The following NAV2 variants were observed in gnomAD, a reference collection of about 807,000 sequenced individuals.
The protein encoded by NAV2 is neuron navigator 2.
NAV2 carries 54 observed loss-of-function variants against 223.2 expected under a neutral mutation model. The observed-to-expected ratio is 0.24, with a 90% CI of 0.19 to 0.30. The LOEUF (loss-of-function observed/expected upper bound fraction) is 0.30, where lower values mean the gene tolerates loss of function less well. NAV2 is among the 10% of genes least tolerant of loss of function. The pLI, the probability that NAV2 is intolerant of heterozygous loss-of-function variation, is 1.00. For missense variants in NAV2, 2,806 were observed against 3,147.5 expected (o/e 0.89, Z 2.60); for synonymous variants, 1,279 against 1,239.3 (o/e 1.03, Z -0.67).
At chr11:19,451,053 C>G (rs1341947657) in intron 1 of NAV2, among the ~76,000 whole-genome samples, 3 of 152,146 alleles carry the variant, frequency 2.0e-5, no homozygotes, top group African/African-American at 7.2e-5. Context: ...AGGGACTTCT[C>G]TGATTACCTT....
At chr11:19,596,677 G>T (rs188357626) in intron 1 of NAV2, among the ~76,000 whole-genome samples, 2 of 152,364 alleles carry the variant, frequency 1.3e-5, no homozygotes, top group East Asian at 3.9e-4. Context: ...CAGGCAGACA[G>T]ACACTGTTTG....
intron 4 of NAV2, among the ~76,000 whole-genome samples, chr11:19,874,625 T>C (rs1353564360): frequency 6.6e-6 from 1 of 152,152 alleles, no homozygotes; most frequent in Admixed American, 6.5e-5. Context: ...ATGGAAAGAA[T>C]ATAATTCTAG....
chr11:19,402,720 T>C (rs757609172), intron 1 of NAV2, among the ~76,000 whole-genome samples: 4 of 152,218 alleles, frequency 2.6e-5, no homozygotes, highest in Non-Finnish European at 5.9e-5. Flanking sequence ...GATCTGTCCA[T>C]GTATACTCTT....
intron 1 of NAV2, among the ~76,000 whole-genome samples, chr11:19,509,622 C>T (rs528624184): frequency 2.6e-4 from 40 of 152,232 alleles, no homozygotes; most frequent in Non-Finnish European, 4.7e-4. Flanking sequence ...GCAGGCACTG[C>T]GATAAATGAT....
At chr11:19,424,678 A>G (rs760761106) in intron 1 of NAV2, among the ~76,000 whole-genome samples, 28 of 151,950 alleles carry the variant, frequency 1.8e-4, no homozygotes, top group Non-Finnish European at 3.5e-4. Context: ...CCTCCTGAGT[A>G]TCTGGGATTA....
rs758313691 is a variant in NAV2 at position 20,077,564 on chromosome 11, G to T, written c.4996G>T (p.Ala1666Ser). Residue 1666 changes from alanine to serine, a missense_variant, in exon 23 of 38, where the codon GCA becomes TCA. Ala to Ser is a moderately conservative substitution (Grantham distance 99, BLOSUM62 1). Coordinates refer to ENST00000349880, the MANE Select transcript of NAV2 (RefSeq NM_145117.5). ...TCTTCCCCTCCAGGCTCACCTTGTG[G>T]CAGCCTTTGAACAGAGTCTTGGTAA... is the stretch of plus-strand genomic sequence containing the variant. ...TQLTANAHLV[A>S]AFEQSLGNMT... 2 of 1,613,720 alleles carry T rather than the reference G, an allele frequency of 1.2e-6. No homozygotes were observed. Among genetic ancestry groups the T allele is most frequent in the Non-Finnish European group, 1.7e-6 (2 of 1,179,666 alleles).
chr11:19,804,604 T>C (rs756841603), intron 1 of NAV2, among the ~76,000 whole-genome samples: 2 of 152,194 alleles, frequency 1.3e-5, no homozygotes, highest in Non-Finnish European at 2.9e-5. Flanking sequence ...CCCTTGGTGG[T>C]TTCTTTGTAA....
At chr11:19,546,739 C>T (rs975011409) in intron 1 of NAV2, among the ~76,000 whole-genome samples, 5 of 152,114 alleles carry the variant, frequency 3.3e-5, no homozygotes, top group Admixed American at 2.6e-4. Flanking sequence ...TAAATGTAAC[C>T]GTTTTAGTGT....
At chr11:19,574,229 T>C (rs2134939536) in intron 1 of NAV2, among the ~76,000 whole-genome samples, 1 of 152,320 alleles carries the variant, frequency 6.6e-6, no homozygotes, top group African/African-American at 2.4e-5. Flanking sequence ...CCCAAACTTG[T>C]TGGGAAAATA....
rs531962522 is a variant in NAV2 at position 19,657,328 on chromosome 11, C to T, written c.76-175156C>T. On this transcript the variant is annotated intron_variant, in intron 1 of 37. Transcript: ENST00000360655. ...ATACACGTTTTGCTAGTTTGTACTT[C>T]CCAATACAATTGAGCAGTTGGAACT... 1.8e-3 allele frequency among the ~76,000 whole-genome samples: 280 copies of T among 152,188 alleles called. 2 individuals carry two copies. Among genetic ancestry groups the T allele is most frequent in the Non-Finnish European group, 3.5e-3 (236 of 68,006 alleles).
chr11:19,544,237 G>C (rs2044423267), intron 1 of NAV2, among the ~76,000 whole-genome samples: 1 of 152,198 alleles, frequency 6.6e-6, no homozygotes, highest in African/African-American at 2.4e-5. Context: ...GAACGAGATG[G>C]ACTTTGGTCC....
intron 1 of NAV2, chr11:19,777,866 C>T (rs1166534272): frequency 4.4e-6 from 2 of 455,924 alleles, no homozygotes; most frequent in African/African-American, 4.0e-5. Context: ...CAGCCTGTCC[C>T]GGGACAGCGT....
chr11:19,631,587 C>T (rs2047347271), intron 1 of NAV2, among the ~76,000 whole-genome samples: 1 of 152,198 alleles, frequency 6.6e-6, no homozygotes, highest in Admixed American at 6.5e-5. Flanking sequence ...CATTACCTCC[C>T]CTGGCCTCTA....
At chr11:19,993,933 T>TCCCTGTAC (rs1325402105) in intron 11 of NAV2, among the ~76,000 whole-genome samples, 1 of 152,148 alleles carries the variant, frequency 6.6e-6, no homozygotes, top group African/African-American at 2.4e-5. Flanking sequence ...TGGGATGTAG[T>TCCCTGTAC]CCCTGTACTC....
intron 1 of NAV2, among the ~76,000 whole-genome samples, chr11:19,727,208 C>A (rs2051329420): frequency 1.3e-5 from 2 of 152,158 alleles, no homozygotes. Flanking sequence ...AATTAGAGGG[C>A]CTTGACTCCC....
intron 1 of NAV2, among the ~76,000 whole-genome samples, chr11:19,792,772 A>G (rs563924957): frequency 1.3e-4 from 20 of 152,120 alleles, no homozygotes; most frequent in East Asian, 1.9e-4. Flanking sequence ...GCCAGAGCAC[A>G]TTCTTCCTTG....
chr11:19,605,167 C>G (rs1453675537), intron 1 of NAV2, among the ~76,000 whole-genome samples: 3 of 152,122 alleles, frequency 2.0e-5, no homozygotes, highest in African/African-American at 7.2e-5. Flanking sequence ...GGACTGCTGC[C>G]TGTTTTTTGA....
At chr11:19,694,506 G>C (rs568550189) in intron 1 of NAV2, among the ~76,000 whole-genome samples, 39 of 152,332 alleles carry the variant, frequency 2.6e-4, no homozygotes, top group African/African-American at 9.1e-4. Context: ...CCACTGGAGG[G>C]AGGTATTAGT....
chr11:19,878,783 C>G (rs1442137634), intron 4 of NAV2, among the ~76,000 whole-genome samples: 3 of 152,238 alleles, frequency 2.0e-5, no homozygotes, highest in Non-Finnish European at 2.9e-5. Context: ...TCCATTCATA[C>G]TTTCTGCCCC....
Sources: allele counts gnomAD v4.1 joint callset (sites outside exome capture counted in the v4.1 genomes callset), GRCh38; gene constraint gnomAD v4.1.1; transcripts MANE v1.5; gene names NCBI Gene and HGNC (gene_info 2026-07-23, HGNC 2026-07-21).